Variants in SHANK2 observed in about 807,000 individuals in gnomAD.
SHANK2 encodes SH3 and multiple ankyrin repeat domains 2.
In SHANK2, 43 loss-of-function variants were observed where a neutral mutation model predicts 133.7. The observed-to-expected ratio is 0.32, with a 90% CI of 0.25 to 0.41. SHANK2 has a LOEUF of 0.41. Ranked by LOEUF, SHANK2 falls within the 10% of genes least tolerant of loss-of-function variation. SHANK2 has a pLI of 1.00. For missense variants in SHANK2, 1,994 were observed against 2,235.8 expected (o/e 0.89, Z 2.18); for synonymous variants, 1,017 against 952.8 (o/e 1.07, Z -1.24).
At chr11:71,143,017 T>C (rs1952585296) in intron 3 of SHANK2, among the ~76,000 whole-genome samples, 1 of 152,162 alleles carries the variant, frequency 6.6e-6, no homozygotes, top group Non-Finnish European at 1.5e-5. Context: ...GTGGTTCACC[T>C]GAGGTCAGGA....
intron 9 of SHANK2, among the ~76,000 whole-genome samples, chr11:71,061,471 TGAGA>T (rs1950985311): frequency 6.6e-6 from 1 of 152,226 alleles, no homozygotes; most frequent in Non-Finnish European, 1.5e-5. Context: ...GCTTCAGCAC[TGAGA>T]GAGCGGTTCT....
chr11:71,180,689 G>A (rs4367969), intron 2 of SHANK2, among the ~76,000 whole-genome samples: 143,274 of 152,260 alleles, frequency 0.94, 67,899 homozygotes, highest in Non-Finnish European at 0.99. Flanking sequence ...ATCCACGTAA[G>A]CCACACTACA....
chr11:71,089,793 G>A (rs1951475404), intron 8 of SHANK2, among the ~76,000 whole-genome samples: 1 of 152,228 alleles, frequency 6.6e-6, no homozygotes, highest in South Asian at 2.1e-4. Flanking sequence ...GCCAGATGCT[G>A]TGGAGAGGCT....
chr11:70,590,252 T>C (rs1482165474), intron 17 of SHANK2, among the ~76,000 whole-genome samples: 5 of 151,940 alleles, frequency 3.3e-5, no homozygotes, highest in Admixed American at 3.3e-4. Flanking sequence ...GGATGAGGAG[T>C]TGCTTCTTAG....
chr11:70,808,561 CAAAA>C (rs57089863), intron 12 of SHANK2, among the ~76,000 whole-genome samples: 11 of 93,182 alleles, frequency 1.2e-4, no homozygotes, highest in African/African-American at 2.3e-4. Flanking sequence ...CCTATTTCTA[CAAAA>C]AAAAAAAAAA....
chr11:70,599,449 T>C lies in SHANK2; in HGVS notation c.2061+60379A>G, dbSNP rs12801016. Among the ~76,000 whole-genome samples the C allele has an allele frequency of 8.1e-3, 943 of 115,876 alleles. 1 individual carries two copies. The highest frequency in any genetic ancestry group is 0.016 in the East Asian group (47 of 2,882). The allele number at this position is 115,876 out of a possible 152,430, so 76.0% of individuals were successfully genotyped here. A position where few individuals can be genotyped will look rare whatever the true frequency, so the allele number is the denominator to read the frequency against. Reference sequence around the variant, plus strand: ...GGTGAAACCCCGTCTCTACTAAAAATACAGAAAATTAGCCGGGCGAGGTGG... The same window carrying C: ...GGTGAAACCCCGTCTCTACTAAAAACACAGAAAATTAGCCGGGCGAGGTGG... On this transcript the variant is annotated intron_variant, in intron 17 of 25. Transcript: ENST00000601538.
intron 2 of SHANK2, among the ~76,000 whole-genome samples, chr11:71,153,319 C>T (rs1419645420): frequency 6.6e-6 from 1 of 152,034 alleles, no homozygotes; most frequent in Non-Finnish European, 1.5e-5. Flanking sequence ...GCCATAAAAC[C>T]CCAGGTCCAT....
At chr11:70,616,002 C>T (rs1297653807) in intron 17 of SHANK2, among the ~76,000 whole-genome samples, 8 of 152,086 alleles carry the variant, frequency 5.3e-5, no homozygotes, top group African/African-American at 1.4e-4. Flanking sequence ...TGGCAGACAG[C>T]GTGGATGCCG....
In SHANK2 at chr11:70,911,343, G is replaced by A. The variant is rs189905245; in HGVS notation, c.1108-14776C>T. Among the ~76,000 whole-genome samples the A allele has an allele frequency of 4.9e-4, 74 of 150,856 alleles. 1 individual carries two copies. Among genetic ancestry groups the A allele is most frequent in the African/African-American group, 1.8e-3 (74 of 41,038 alleles). The stretch of plus-strand genomic sequence containing the variant: ...TGCACTCCAGCCTGGGCAACATAGT[G>A]AGACTCCATCTCAAAAAAAACAAAA... On this transcript the variant is annotated intron_variant, in intron 10 of 25. Coordinates refer to ENST00000601538, the MANE Select transcript of SHANK2 (RefSeq NM_012309.5).
At chr11:71,193,042 T>C (rs1272173696) in intron 2 of SHANK2, among the ~76,000 whole-genome samples, 1 of 152,194 alleles carries the variant, frequency 6.6e-6, no homozygotes. Flanking sequence ...TGGAAAGTAT[T>C]AGAAAAAGAG....
chr11:71,234,483 TGAG>T (rs1954799011), intron 1 of SHANK2, among the ~76,000 whole-genome samples: 1 of 152,196 alleles, frequency 6.6e-6, no homozygotes, highest in African/African-American at 2.4e-5. Flanking sequence ...ACCATCATTG[TGAG>T]GAGTTCTGAA....
At chr11:71,143,360 G>A (rs1952590536) in intron 3 of SHANK2, among the ~76,000 whole-genome samples, 1 of 152,216 alleles carries the variant, frequency 6.6e-6, no homozygotes, top group Admixed American at 6.5e-5. Context: ...ATTGGGGTAT[G>A]CCTACTTGCT....
Position 70,878,792 on chromosome 11 carries a change from C to G in SHANK2, c.1174+17709G>C, listed in dbSNP as rs2135571255. Among the ~76,000 whole-genome samples, 2 of 152,304 alleles carry G rather than the reference C, an allele frequency of 1.3e-5. 1 individual carries two copies. The highest frequency in any genetic ancestry group is 4.1e-4 in the South Asian group (2 of 4,822). ...CCCAGGGCTCAAAGCAGCTCCCTTC[C>G]CACTAACTCCTACGAGCTTGTTCCA... On this transcript the variant is annotated intron_variant, in intron 11 of 25. Transcript: ENST00000601538.
At chr11:70,610,446 T>C (rs9665887) in intron 17 of SHANK2, among the ~76,000 whole-genome samples, 5,405 of 152,262 alleles carry the variant, frequency 0.035, 116 homozygotes, top group East Asian at 0.061. Flanking sequence ...TCAGTCAGGG[T>C]GGCACATGAC....
At chr11:70,492,589 G>T in intron 21 of SHANK2, 124 bp from the exon 22 acceptor site, 1 of 1,240,600 alleles carries the variant, frequency 8.1e-7, no homozygotes, top group Non-Finnish European at 1.2e-6. Context: ...ATTTGTTGCT[G>T]CTGTGAGGAG....
intron 17 of SHANK2, among the ~76,000 whole-genome samples, chr11:70,623,316 C>T (rs974176984): frequency 1.1e-5 from 1 of 91,570 alleles, no homozygotes; most frequent in Non-Finnish European, 2.4e-5. Context: ...AGCCCACCTC[C>T]TCCGAGGTTG....
chr11:70,797,433 G>C (rs916842748), intron 14 of SHANK2, among the ~76,000 whole-genome samples: 1 of 152,202 alleles, frequency 6.6e-6, no homozygotes, highest in Non-Finnish European at 1.5e-5. Context: ...TGCACGAACT[G>C]AGTCCCCGTT....
chr11:70,754,768 A>G (rs1188659129), intron 14 of SHANK2, among the ~76,000 whole-genome samples: 1 of 152,054 alleles, frequency 6.6e-6, no homozygotes, highest in African/African-American at 2.4e-5. Context: ...GAGAGGGAGG[A>G]CAAGGATGAA....
chr11:70,745,549 A>G (rs1402181334), intron 14 of SHANK2, among the ~76,000 whole-genome samples: 1 of 152,140 alleles, frequency 6.6e-6, no homozygotes, highest in Non-Finnish European at 1.5e-5. Flanking sequence ...CACTGTGGTG[A>G]CTACCCTTGG....
Sources: gnomAD v4.1 joint callset for allele counts (sites outside exome capture counted in the v4.1 genomes callset) on GRCh38, gnomAD v4.1.1 for gene constraint, MANE v1.5 for transcripts, NCBI Gene and HGNC (gene_info 2026-07-23, HGNC 2026-07-21) for gene names.